COBL: variants seen among roughly 807,000 people sequenced by gnomAD.
COBL encodes cordon-bleu WH2 repeat protein, also known as protein cordon-bleu.
A neutral mutation model predicts 98.8 loss-of-function variants in COBL; 51 were observed. The observed-to-expected ratio is 0.52, with a 90% CI of 0.41 to 0.65. The LOEUF (loss-of-function observed/expected upper bound fraction) is 0.65. Among genes scored for constraint, COBL ranks in the 30% least tolerant of loss-of-function variants. The pLI is 0.00. For synonymous variants in COBL, 634 were observed against 651.7 expected (o/e 0.97, Z 0.41); for missense variants, 1,617 against 1,617.5 (o/e 1.00, Z 0.01).
In COBL at chr7:51,028,397, G is replaced by C. The variant is rs372266870; in HGVS notation, c.2699C>G (p.Ala900Gly). The change falls in exon 10 of 13, where the codon GCG (alanine) becomes GGG (glycine). Residue 900 changes from alanine (A) to glycine (G), a missense_variant. By Grantham distance (60) the Ala-to-Gly change is moderately conservative. Around this residue, in one of 3 missense-constraint regions of COBL, gnomAD observed 1,304 missense variants for 1,282.0 expected, o/e 1.02. Coordinates refer to ENST00000265136, the MANE Select transcript of COBL (RefSeq NM_015198.5). ...GACAGGTGGTGCAGCCAGCACTGGCGCCTTGCCTGCATAACCCTTCTCGGC... is the reference window on the plus strand; with the variant it reads ...GACAGGTGGTGCAGCCAGCACTGGCCCCTTGCCTGCATAACCCTTCTCGGC... ...GYAEKGYAGKAPVLAAPPVTV... is the reference protein window; with the variant it reads ...GYAEKGYAGKGPVLAAPPVTV... 24 of 1,614,136 alleles carry C rather than the reference G, an allele frequency of 1.5e-5. No homozygotes were observed. The highest frequency in any genetic ancestry group is 1.9e-5 in the Non-Finnish European group (22 of 1,180,052).
intron 6 of COBL, among the ~76,000 whole-genome samples, chr7:51,123,886 C>T (rs185138247): frequency 2.0e-5 from 3 of 152,300 alleles, no homozygotes. Flanking sequence ...CCTGCACCCC[C>T]CTCTGCCAAG....
intron 10 of COBL, 135 bp downstream of exon 10, chr7:51,027,577 T>C (rs1787697705): frequency 1.4e-6 from 1 of 740,660 alleles, no homozygotes; most frequent in South Asian, 1.9e-5. Context: ...CTAGTTAAAA[T>C]GAAACCTGTG....
intron 12 of COBL, among the ~76,000 whole-genome samples, chr7:51,018,940 A>ATATATG (rs1786631877): frequency 2.1e-5 from 2 of 96,424 alleles, no homozygotes; most frequent in African/African-American, 7.3e-5. Context: ...ATATATATAT[A>ATATATG]TATATATATA....
intron 1 of COBL, among the ~76,000 whole-genome samples, chr7:51,262,107 C>T (rs924465244): frequency 2.0e-5 from 3 of 152,160 alleles, no homozygotes; most frequent in Non-Finnish European, 4.4e-5. Context: ...CCAGTGGCAG[C>T]GCTCCTGCCA....
Position 51,169,581 on chromosome 7 carries a change from A to C in COBL, c.783+14521T>G, listed in dbSNP as rs115916495. Among the ~76,000 whole-genome samples, 365 of 152,336 alleles carry C rather than the reference A, an allele frequency of 2.4e-3. 3 individuals are homozygous for C. The South Asian group carries it at 0.037, about 15-fold the overall frequency. ...AGTGGAACTAGAGATCATCTTGTTA[A>C]GTGAAATAAGGCAGACACAGAAAGA... On this transcript the variant is annotated intron_variant, in intron 5 of 12. Coordinates refer to ENST00000265136, the MANE Select transcript of COBL (RefSeq NM_015198.5).
intron 2 of COBL, among the ~76,000 whole-genome samples, chr7:51,213,392 T>C (rs1792667088): frequency 6.6e-6 from 1 of 152,202 alleles, no homozygotes; most frequent in Non-Finnish European, 1.5e-5. Context: ...GCGTATGTGC[T>C]CCTTATGAGA....
chr7:51,299,328 T>C (rs1801700834), intron 1 of COBL, among the ~76,000 whole-genome samples: 2 of 152,350 alleles, frequency 1.3e-5, no homozygotes, highest in Admixed American at 1.3e-4. Context: ...TCCAAAGAAC[T>C]TGTGCAAATC....
intron 8 of COBL, among the ~76,000 whole-genome samples, chr7:51,039,214 T>A (rs1330515983): frequency 6.6e-6 from 1 of 152,228 alleles, no homozygotes; most frequent in Non-Finnish European, 1.5e-5. Flanking sequence ...TCCTCTTTGC[T>A]ATTGTTTCTC....
At chr7:51,251,305 C>T (rs921784851) in intron 1 of COBL, among the ~76,000 whole-genome samples, 4 of 152,144 alleles carry the variant, frequency 2.6e-5, no homozygotes, top group Non-Finnish European at 5.9e-5. Context: ...ATATATCCAA[C>T]ACGATATTAG....
intron 7 of COBL, among the ~76,000 whole-genome samples, chr7:51,052,404 A>T (rs10257496): frequency 6.6e-6 from 1 of 152,152 alleles, no homozygotes; most frequent in Non-Finnish European, 1.5e-5. Flanking sequence ...TCCATGTTCT[A>T]TGGAACAAAT....
chr7:51,292,528 G>A (rs1289203253), intron 1 of COBL, among the ~76,000 whole-genome samples: 1 of 152,232 alleles, frequency 6.6e-6, no homozygotes, highest in Non-Finnish European at 1.5e-5. Flanking sequence ...CCTGAAGCCA[G>A]GTATTAGAAA....
At chr7:51,063,868 T>C (rs1302044223) in intron 7 of COBL, among the ~76,000 whole-genome samples, 1 of 152,258 alleles carries the variant, frequency 6.6e-6, no homozygotes, top group Admixed American at 6.5e-5. Flanking sequence ...TGTATTTGTA[T>C]GTGTAATTCT....
At chr7:51,266,616 TA>T in intron 1 of COBL, among the ~76,000 whole-genome samples, 1 of 152,316 alleles carries the variant, frequency 6.6e-6, no homozygotes, top group East Asian at 1.9e-4. Flanking sequence ...ATTCTTATTT[TA>T]AATGACAAAG....
At chr7:51,054,180 T>C (rs1259309253) in intron 7 of COBL, among the ~76,000 whole-genome samples, 1 of 152,114 alleles carries the variant, frequency 6.6e-6, no homozygotes, top group South Asian at 2.1e-4. Flanking sequence ...TGAGACTCTG[T>C]CTCAATCAAT....
chr7:51,251,743 G>C lies in COBL; in HGVS notation c.42-31799C>G, dbSNP rs553423166. On this transcript the variant is annotated intron_variant, in intron 1 of 12. Transcript: ENST00000265136. ...CAATATCTGTCAGATTGAACACACA[G>C]TGATGAGAAGCAACTGAAATTTTCA... 1.8e-4 allele frequency among the ~76,000 whole-genome samples: 28 copies of C among 152,270 alleles called. No homozygotes were observed. The South Asian group carries it at 1.9e-3, about 10-fold the overall frequency.
Position 51,085,195 on chromosome 7 carries a change from T to C in COBL, c.1067A>G (p.Asp356Gly), listed in dbSNP as rs1241526919. The change falls in exon 7 of 13, where the codon GAT (aspartate) becomes GGT (glycine). Residue 356 changes from aspartate (D) to glycine (G), a missense_variant. Physicochemically the swap from Asp to Gly is moderately conservative, Grantham distance 94. Around this residue, in one of 3 missense-constraint regions of COBL, gnomAD observed 1,304 missense variants for 1,282.0 expected, o/e 1.02. Transcript: ENST00000265136. The stretch of plus-strand genomic sequence containing the variant: ...CGTGCTCTTCCTGTTCTCCTCCTTA[T>C]CCTCAGTGCGGTTGGGGATCAGGGG... ...PSPLIPNRTE[D>G]KEENRKSTMV... 1 of 1,613,716 alleles carries C rather than the reference T, an allele frequency of 6.2e-7. No individual in the cohort carries two copies. Among genetic ancestry groups the C allele is most frequent in the Non-Finnish European group, 8.5e-7 (1 of 1,180,004 alleles).
chr7:51,083,234 T>C, intron 7 of COBL: 3 of 1,448,238 alleles, frequency 2.1e-6, no homozygotes, highest in Non-Finnish European at 9.0e-7. Context: ...ACCACCTATA[T>C]GGAATCAACA....
intron 12 of COBL, among the ~76,000 whole-genome samples, chr7:51,023,978 G>A (rs1415409598): frequency 1.3e-5 from 2 of 152,196 alleles, no homozygotes; most frequent in Non-Finnish European, 2.9e-5. Flanking sequence ...GGGTACAAGT[G>A]AAAACATAAG....
intron 5 of COBL, among the ~76,000 whole-genome samples, chr7:51,154,830 C>T (rs1041941035): frequency 1.3e-5 from 2 of 152,206 alleles, no homozygotes; most frequent in African/African-American, 2.4e-5. Context: ...TTCCTTTTTC[C>T]GTGTGTAACT....
Sources: allele counts gnomAD v4.1 joint callset (sites outside exome capture counted in the v4.1 genomes callset), GRCh38; gene constraint gnomAD v4.1.1; regional missense constraint gnomAD v4.1.1; transcripts MANE v1.5; gene names NCBI Gene and HGNC (gene_info 2026-07-23, HGNC 2026-07-21).